The following RIMS2 variants were observed in gnomAD, a reference collection of about 807,000 sequenced individuals.
RIMS2 encodes regulating synaptic membrane exocytosis 2.
RIMS2 carries 59 observed loss-of-function variants against 174.4 expected under a neutral mutation model. The observed-to-expected ratio is 0.34, with a 90% CI of 0.27 to 0.42. RIMS2 has a LOEUF of 0.42. Among genes scored for constraint, RIMS2 ranks in the 10% least tolerant of loss-of-function variants. The pLI is 1.00. For synonymous variants in RIMS2, 606 were observed against 572.5 expected (o/e 1.06, Z -0.84); for missense variants, 1,620 against 1,666.3 (o/e 0.97, Z 0.48).
At chr8:103,780,189 C>T (rs1319748404) in intron 3 of RIMS2, among the ~76,000 whole-genome samples, 1 of 151,956 alleles carries the variant, frequency 6.6e-6, no homozygotes, top group East Asian at 1.9e-4. Flanking sequence ...TATCCTTTAC[C>T]TTTGAGGATT....
At chr8:103,765,136 G>A (rs547107151) in intron 2 of RIMS2, among the ~76,000 whole-genome samples, 1 of 152,246 alleles carries the variant, frequency 6.6e-6, no homozygotes, top group Non-Finnish European at 1.5e-5. Flanking sequence ...AACCTGGAGA[G>A]CTGTGTAAGA....
rs141541820 is a variant in RIMS2 at position 104,187,319 on chromosome 8, A to G, written c.3335-57597A>G. On this transcript the variant is annotated intron_variant, in intron 19 of 23. Coordinates refer to ENST00000504942, the Ensembl canonical transcript of RIMS2. ...CTCTTCACTGTGAGAATTTCAATTCAGTGCTTATAATATGAACAATATAAT... is the reference window on the plus strand; with the variant it reads ...CTCTTCACTGTGAGAATTTCAATTCGGTGCTTATAATATGAACAATATAAT... 2.8e-3 allele frequency among the ~76,000 whole-genome samples: 433 copies of G among 151,972 alleles called. 2 individuals are homozygous for G. Among genetic ancestry groups the G allele is most frequent in the African/African-American group, 9.2e-3 (384 of 41,534 alleles).
intron 2 of RIMS2, among the ~76,000 whole-genome samples, chr8:103,718,364 A>G (rs913078107): frequency 2.0e-5 from 3 of 152,116 alleles, no homozygotes; most frequent in Non-Finnish European, 4.4e-5. Context: ...GAGAGTTTTT[A>G]TTACAGTTAC....
intron 19 of RIMS2, among the ~76,000 whole-genome samples, chr8:104,028,929 G>A (rs2096318168): frequency 6.6e-6 from 1 of 152,190 alleles, no homozygotes; most frequent in Non-Finnish European, 1.5e-5. Context: ...TACTACATAG[G>A]CAGAGCAGCC....
intron 3 of RIMS2, among the ~76,000 whole-genome samples, chr8:103,856,155 A>G (rs1281526258): frequency 6.6e-6 from 1 of 152,138 alleles, no homozygotes; most frequent in Non-Finnish European, 1.5e-5. Flanking sequence ...GTAGTTTAAA[A>G]TCTATGTTAT....
intron 1 of RIMS2, among the ~76,000 whole-genome samples, chr8:103,553,157 T>C (rs1186862212): frequency 1.3e-5 from 2 of 152,086 alleles, no homozygotes; most frequent in Non-Finnish European, 2.9e-5. Context: ...GTGTGTTTAT[T>C]GTGGCACTAT....
chr8:103,920,115 C>T (rs2077323314), intron 9 of RIMS2, among the ~76,000 whole-genome samples: 4 of 152,178 alleles, frequency 2.6e-5, no homozygotes, highest in African/African-American at 9.6e-5. Flanking sequence ...ATTCCAAAAT[C>T]GTTTCTGAGG....
intron 19 of RIMS2, among the ~76,000 whole-genome samples, chr8:104,227,845 A>G (rs969067641): frequency 6.6e-6 from 1 of 152,200 alleles, no homozygotes; most frequent in Non-Finnish European, 1.5e-5. Flanking sequence ...CCACTAGCTT[A>G]AAAATAAATT....
intron 1 of RIMS2, among the ~76,000 whole-genome samples, chr8:103,619,725 G>A (rs76396643): frequency 0.12 from 18,849 of 151,876 alleles, 1,262 homozygotes; most frequent in Middle Eastern, 0.23. Flanking sequence ...CCATTTTCTC[G>A]CTTCCTTCAC....
chr8:103,881,665 T>C (rs1447128565), intron 3 of RIMS2, among the ~76,000 whole-genome samples: 10 of 151,528 alleles, frequency 6.6e-5, no homozygotes. Context: ...TTATACAAGC[T>C]AGAATATTTA....
intron 3 of RIMS2, among the ~76,000 whole-genome samples, chr8:103,779,903 TA>T (rs556424042): frequency 0.082 from 11,785 of 144,448 alleles, 614 homozygotes; most frequent in Middle Eastern, 0.12. Flanking sequence ...AAGGTATAAT[TA>T]AAAAAAAAAA....
At chr8:104,112,484 T>C (rs1287370263) in intron 19 of RIMS2, among the ~76,000 whole-genome samples, 4 of 152,080 alleles carry the variant, frequency 2.6e-5, no homozygotes, top group African/African-American at 9.7e-5. Context: ...ACATACATGA[T>C]ATATGTATGT....
chr8:103,579,274 G>GACACACAC (rs781702059), intron 1 of RIMS2, among the ~76,000 whole-genome samples: 1 of 149,028 alleles, frequency 6.7e-6, no homozygotes, highest in African/African-American at 2.5e-5. Context: ...CACACACACA[G>GACACACAC]ACACACACAC....
chr8:104,167,119 C>T (rs760472241), intron 19 of RIMS2, among the ~76,000 whole-genome samples: 1 of 152,116 alleles, frequency 6.6e-6, no homozygotes, highest in Non-Finnish European at 1.5e-5. Context: ...GACTTATTTT[C>T]CTTTGGGTGG....
chr8:104,080,275 C>A (rs1362876464), intron 19 of RIMS2, among the ~76,000 whole-genome samples: 1 of 152,022 alleles, frequency 6.6e-6, no homozygotes. Context: ...GAAAAGACCA[C>A]TATGAATTAA....
At chr8:104,100,747 C>G (rs957250970) in intron 19 of RIMS2, among the ~76,000 whole-genome samples, 1 of 146,406 alleles carries the variant, frequency 6.8e-6, no homozygotes, top group Non-Finnish European at 1.5e-5. Flanking sequence ...AGTCTGTTGG[C>G]AAGTTCAAGT....
chr8:103,996,944 GGA>G (rs1251501475), intron 17 of RIMS2, among the ~76,000 whole-genome samples: 5 of 151,740 alleles, frequency 3.3e-5, no homozygotes, highest in African/African-American at 1.2e-4. Flanking sequence ...AACCAAAAAA[GGA>G]GAGAGTATTA....
chr8:104,211,952 A>G (rs7004797), intron 19 of RIMS2, among the ~76,000 whole-genome samples: 3,468 of 152,284 alleles, frequency 0.023, 133 homozygotes, highest in African/African-American at 0.076. Flanking sequence ...GAATTTTATG[A>G]TGATGATTGG....
intron 1 of RIMS2, among the ~76,000 whole-genome samples, chr8:103,647,003 G>GT (rs1451771659): frequency 6.6e-6 from 1 of 152,002 alleles, no homozygotes; most frequent in Non-Finnish European, 1.5e-5. Context: ...TTTGAGGTAT[G>GT]TTTTTTCCAT....
Sources: allele counts gnomAD v4.1 joint callset (sites outside exome capture counted in the v4.1 genomes callset), GRCh38; gene constraint gnomAD v4.1.1; transcripts MANE v1.5; gene names NCBI Gene and HGNC (gene_info 2026-07-23, HGNC 2026-07-21).